Variants in UNC13B observed in about 807,000 individuals in gnomAD.
UNC13B encodes the protein protein unc-13 homolog B.
Under a neutral mutation model 211.0 loss-of-function variants are expected in UNC13B, and 144 were observed. That is an observed-to-expected ratio of 0.68 (90% CI 0.60 to 0.78). The LOEUF (loss-of-function observed/expected upper bound fraction) is 0.78, where lower values mean the gene tolerates loss of function less well. Among genes scored for constraint, UNC13B ranks in the 30% least tolerant of loss-of-function variants. The pLI is 0.00. For synonymous variants in UNC13B, 709 were observed against 725.8 expected, an observed-to-expected ratio of 0.98 and a Z score of 0.37; for missense variants, 1,777 against 2,002.0, an observed-to-expected ratio of 0.89 and a Z score of 2.14.
chr9:35,286,389 T>G (rs962926100), intron 7 of UNC13B, among the ~76,000 whole-genome samples: 9 of 151,904 alleles, frequency 5.9e-5, no homozygotes, highest in African/African-American at 2.2e-4. Flanking sequence ...CCTGCCACCA[T>G]GCTTGGCTAA....
At chr9:35,196,636 A>G (rs764139490) in intron 1 of UNC13B, among the ~76,000 whole-genome samples, 2 of 152,172 alleles carry the variant, frequency 1.3e-5, no homozygotes, top group Non-Finnish European at 2.9e-5. Flanking sequence ...AGTGTTTTGT[A>G]ATGAATATTT....
At chr9:35,365,517 G>A (rs1333516621) in intron 11 of UNC13B, among the ~76,000 whole-genome samples, 1 of 152,154 alleles carries the variant, frequency 6.6e-6, no homozygotes, top group Non-Finnish European at 1.5e-5. Flanking sequence ...TGCTGAGTAC[G>A]GTGGCTATTT....
At chr9:35,376,272 C>G in intron 15 of UNC13B, 25 bp downstream of exon 15, 1 of 1,608,118 alleles carries the variant, frequency 6.2e-7, no homozygotes, top group Non-Finnish European at 8.5e-7. Context: ...GGATGAGGGG[C>G]GGGGAGTGGG....
intron 3 of UNC13B, among the ~76,000 whole-genome samples, chr9:35,232,177 C>CTTTTGTTTTTTTTTTTTTTTT (rs1825244055): frequency 3.2e-5 from 1 of 31,536 alleles, no homozygotes; most frequent in African/African-American, 1.2e-4. Flanking sequence ...TATATTGCTG[C>CTTTTGTTTTTTTTTTTTTTTT]TTTTTTTTTT....
At chr9:35,394,074 C>G (rs193149772) in intron 26 of UNC13B, among the ~76,000 whole-genome samples, 1 of 151,982 alleles carries the variant, frequency 6.6e-6, no homozygotes, top group East Asian at 1.9e-4. Context: ...CAGGTAATAG[C>G]GTGGCTAGAA....
intron 7 of UNC13B, among the ~76,000 whole-genome samples, chr9:35,264,019 T>C (rs1278291814): frequency 6.6e-6 from 1 of 152,196 alleles, no homozygotes; most frequent in Non-Finnish European, 1.5e-5. Context: ...ATTTTGGTAC[T>C]AAGAGGTGGA....
intron 11 of UNC13B, among the ~76,000 whole-genome samples, chr9:35,364,915 A>G (rs959487073): frequency 2.0e-5 from 3 of 152,048 alleles, no homozygotes; most frequent in African/African-American, 7.2e-5. Flanking sequence ...GTGTGTGTCC[A>G]TTTTCTACCT....
intron 38 of UNC13B, 23 bp downstream of exon 38, chr9:35,403,282 T>C (rs1359629764): frequency 1.2e-6 from 2 of 1,612,446 alleles, no homozygotes; most frequent in Non-Finnish European, 1.7e-6. Flanking sequence ...CTTACAGGTC[T>C]GCCCTTTCCT....
rs1320967354 is a variant in UNC13B at position 35,239,043 on chromosome 9, A to C, written c.394+1217A>C. Among the ~76,000 whole-genome samples, 3 of 151,950 alleles carry C rather than the reference A, an allele frequency of 2.0e-5. No individual in the cohort carries two copies. The East Asian group carries it at 5.8e-4, about 29-fold the overall frequency. The stretch of plus-strand genomic sequence containing the variant: ...TAAGTACATCATTACTTTTTATGGA[A>C]TCTACTAAGTTCCTTGTCCAAAAGG... On this transcript the variant is annotated intron_variant, in intron 5 of 39. Transcript: ENST00000635942.
At position 35,376,213 on chromosome 9, in the gene UNC13B, G is replaced by T. The variant is rs1834398022; in HGVS notation, c.9801G>T (p.Lys3267Asn). The T allele has an allele frequency of 1.9e-6, 3 of 1,614,042 alleles. No homozygotes were observed. In the East Asian group the frequency reaches 6.7e-5, roughly 36 times the overall value. Residue 3267 changes from lysine (K) to asparagine (N), a missense_variant, in exon 15 of 40, where the codon AAG (lysine) becomes AAT (asparagine). Lys to Asn is a moderately conservative substitution (Grantham distance 94). Transcript: ENST00000635942. ...CSECGVKCHEKCQDLLNADCL... is the reference protein window; with the variant it reads ...CSECGVKCHENCQDLLNADCL... ...AATGTGGAGTCAAGTGCCATGAGAA[G>T]TGCCAGGATCTGCTCAATGCTGACT...
chr9:35,354,505 C>G (rs1005875367), intron 11 of UNC13B, among the ~76,000 whole-genome samples: 4 of 152,176 alleles, frequency 2.6e-5, no homozygotes, highest in Admixed American at 1.3e-4. Context: ...TCCATCTCCC[C>G]CTAAAAGCTG....
chr9:35,328,195 T>G (rs183383798), intron 11 of UNC13B, among the ~76,000 whole-genome samples: 4 of 152,232 alleles, frequency 2.6e-5, no homozygotes, highest in Admixed American at 2.6e-4. Flanking sequence ...TAATTTTTTT[T>G]GTATTTTTAG....
At chr9:35,377,096 A>G (rs1428119953) in intron 15 of UNC13B, among the ~76,000 whole-genome samples, 1 of 152,252 alleles carries the variant, frequency 6.6e-6, no homozygotes, top group Non-Finnish European at 1.5e-5. Context: ...TCCCAAGGAC[A>G]GCTATGACAT....
chr9:35,210,764 T>C (rs1032832330), intron 1 of UNC13B, among the ~76,000 whole-genome samples: 3 of 152,176 alleles, frequency 2.0e-5, no homozygotes, highest in African/African-American at 7.2e-5. Context: ...CCTCAAGTGA[T>C]CTGCCCACAC....
chr9:35,197,527 T>C (rs1823013712), intron 1 of UNC13B, among the ~76,000 whole-genome samples: 2 of 152,218 alleles, frequency 1.3e-5, no homozygotes, highest in Admixed American at 1.3e-4. Flanking sequence ...AACCCCTGTT[T>C]GTTTTAATAT....
At chr9:35,260,597 C>A (rs1413662303) in intron 7 of UNC13B, among the ~76,000 whole-genome samples, 2 of 152,138 alleles carry the variant, frequency 1.3e-5, no homozygotes, top group African/African-American at 4.8e-5. Flanking sequence ...GCCCACTTTC[C>A]TGATAAAAGT....
In UNC13B at chr9:35,398,952, A is replaced by G. The variant is rs753955931; in HGVS notation, c.11992A>G (p.Asn3998Asp). The stretch of plus-strand genomic sequence containing the variant: ...CCTGGGCCAGGTTCGGGGCACAGGG[A>G]ATGCATCTCCAGACGCCAGGGCCTC... ...DILGQVRGTG[N>D]ASPDARASAA... The change falls in exon 33 of 40, where the codon AAT (asparagine) becomes GAT (aspartate). Residue 3998 changes from asparagine (N) to aspartate (D), a missense_variant. By Grantham distance (23) the Asn-to-Asp change is conservative (BLOSUM62 1). Coordinates refer to ENST00000635942, the MANE Select transcript of UNC13B (RefSeq NM_001371189.2). The G allele has an allele frequency of 2.1e-5, 34 of 1,614,166 alleles. 1 individual carries two copies. The South Asian group carries it at 3.7e-4, about 18-fold the overall frequency.
chr9:35,240,996 G>T (rs1182321804), intron 5 of UNC13B, among the ~76,000 whole-genome samples: 1 of 149,884 alleles, frequency 6.7e-6, no homozygotes, highest in Non-Finnish European at 1.5e-5. Context: ...CATGGAGGTT[G>T]CAGTGAGCTG....
At chr9:35,216,169 T>G (rs1587392094) in intron 1 of UNC13B, among the ~76,000 whole-genome samples, 1 of 152,192 alleles carries the variant, frequency 6.6e-6, no homozygotes, top group East Asian at 1.9e-4. Flanking sequence ...TTGGATCATC[T>G]CAACAGATGC....
Sources: gnomAD v4.1 joint callset for allele counts (sites outside exome capture counted in the v4.1 genomes callset) on GRCh38, gnomAD v4.1.1 for gene constraint, MANE v1.5 for transcripts, NCBI Gene and HGNC (gene_info 2026-07-23, HGNC 2026-07-21) for gene names.